The following RBFOX1 variants were observed in gnomAD, a reference collection of about 807,000 sequenced individuals.
The protein encoded by RBFOX1 is RNA binding protein fox-1 homolog 1.
Under a neutral mutation model 57.7 loss-of-function variants are expected in RBFOX1, and 8 were observed. The observed-to-expected ratio is 0.14, with a 90% CI of 0.08 to 0.25. The LOEUF is 0.25. Ranked by LOEUF, RBFOX1 falls within the 10% of genes least tolerant of loss-of-function variation. RBFOX1 has a pLI of 1.00. For missense variants in RBFOX1, 611 were observed against 548.5 expected, an observed-to-expected ratio of 1.11 and a Z score of -1.14; for synonymous variants, 326 against 222.4, an observed-to-expected ratio of 1.47 and a Z score of -4.15.
At chr16:6,635,897 C>G (rs940902721) in intron 2 of RBFOX1, among the ~76,000 whole-genome samples, 2 of 152,066 alleles carry the variant, frequency 1.3e-5, no homozygotes, top group Non-Finnish European at 2.9e-5. Flanking sequence ...TTTCAGATTT[C>G]TTTTTCAGAT....
At chr16:7,387,573 A>G (rs1244163841) in intron 4 of RBFOX1, among the ~76,000 whole-genome samples, 1 of 152,192 alleles carries the variant, frequency 6.6e-6, no homozygotes, top group Non-Finnish European at 1.5e-5. Context: ...TGTGAAATAA[A>G]TCCATACGCC....
chr16:6,895,350 C>G (rs1171868713), intron 3 of RBFOX1, among the ~76,000 whole-genome samples: 3 of 149,398 alleles, frequency 2.0e-5, no homozygotes, highest in Non-Finnish European at 4.4e-5. Context: ...TGGAATGGAA[C>G]TAAGCAGATA....
chr16:7,703,115 C>T (rs1441535224), intron 14 of RBFOX1, among the ~76,000 whole-genome samples: 2 of 95,992 alleles, frequency 2.1e-5, no homozygotes, highest in South Asian at 4.1e-4. Context: ...CACTGAACCA[C>T]AGTTGGTGCC....
intron 3 of RBFOX1, among the ~76,000 whole-genome samples, chr16:6,843,152 C>G (rs1274123038): frequency 6.6e-6 from 1 of 152,090 alleles, no homozygotes; most frequent in Non-Finnish European, 1.5e-5. Context: ...ACATTTTAAG[C>G]ATATGATTCT....
chr16:7,663,449 A>G (rs1045920574), intron 12 of RBFOX1, among the ~76,000 whole-genome samples: 9 of 152,032 alleles, frequency 5.9e-5, no homozygotes, highest in African/African-American at 1.9e-4. Context: ...TAAGCAGCAC[A>G]CTAGAGTGTT....
At chr16:5,928,163 A>C (rs2058974549) in intron 4 of RBFOX1, among the ~76,000 whole-genome samples, 1 of 152,106 alleles carries the variant, frequency 6.6e-6, no homozygotes, top group African/African-American at 2.4e-5. Context: ...GTGTGATCAC[A>C]GCTCACTGTA....
At chr16:7,571,080 G>A (rs1026856117) in intron 5 of RBFOX1, among the ~76,000 whole-genome samples, 1 of 152,136 alleles carries the variant, frequency 6.6e-6, no homozygotes, top group African/African-American at 2.4e-5. Context: ...TGGGGGAAGG[G>A]GCGAAGGGAG....
chr16:5,990,748 G>A (rs936131854), intron 4 of RBFOX1, among the ~76,000 whole-genome samples: 3 of 152,190 alleles, frequency 2.0e-5, no homozygotes, highest in East Asian at 1.9e-4. Context: ...CGGGCAGATC[G>A]CTGGAGGTCA....
At chr16:5,828,641 G>C (rs2056159625) in intron 3 of RBFOX1, among the ~76,000 whole-genome samples, 1 of 152,126 alleles carries the variant, frequency 6.6e-6, no homozygotes, top group African/African-American at 2.4e-5. Flanking sequence ...AGAGGTTGCA[G>C]TGAGCCGAGA....
chr16:6,944,005 C>G (rs2079023228), intron 3 of RBFOX1, among the ~76,000 whole-genome samples: 1 of 152,240 alleles, frequency 6.6e-6, no homozygotes, highest in Non-Finnish European at 1.5e-5. Context: ...GCTCAAACTC[C>G]TTTAAGTTTA....
In RBFOX1 at chr16:6,351,755, A is replaced by G. The variant is rs139718726; in HGVS notation, c.-64+34698A>G. On this transcript the variant is annotated intron_variant, in intron 2 of 15. Transcript: ENST00000550418. ...ATGCATACATATATGTTTGAATTGTATTCTCATATATTAAATACATGTTAT... is the reference window on the plus strand; with the variant it reads ...ATGCATACATATATGTTTGAATTGTGTTCTCATATATTAAATACATGTTAT... Among the ~76,000 whole-genome samples the G allele has an allele frequency of 7.3e-3, 1,116 of 152,284 alleles. 10 individuals carry two copies. Among genetic ancestry groups the G allele is most frequent in the African/African-American group, 0.023 (975 of 41,548 alleles).
At chr16:5,380,824 C>G (rs907966388) in intron 1 of RBFOX1, among the ~76,000 whole-genome samples, 1 of 152,182 alleles carries the variant, frequency 6.6e-6, no homozygotes, top group African/African-American at 2.4e-5. Context: ...GCCCTATGCA[C>G]TTATATATAA....
intron 1 of RBFOX1, among the ~76,000 whole-genome samples, chr16:6,063,027 C>A (rs968058069): frequency 6.6e-6 from 1 of 152,172 alleles, no homozygotes; most frequent in African/African-American, 2.4e-5. Context: ...TCAAGGTAAT[C>A]TCCCTGACAT....
intron 3 of RBFOX1, among the ~76,000 whole-genome samples, chr16:6,841,143 A>G (rs1239812688): frequency 2.0e-5 from 3 of 151,642 alleles, no homozygotes; most frequent in Non-Finnish European, 4.4e-5. Context: ...TACACTCTGG[A>G]TATTAGCCTA....
intron 3 of RBFOX1, among the ~76,000 whole-genome samples, chr16:6,714,170 T>C (rs1383228622): frequency 6.6e-6 from 1 of 152,196 alleles, no homozygotes; most frequent in Admixed American, 6.5e-5. Flanking sequence ...CCTGCCACCA[T>C]GTAAGCCATG....
At chr16:5,485,593 T>C (rs115283588) in intron 2 of RBFOX1, among the ~76,000 whole-genome samples, 485 of 152,260 alleles carry the variant, frequency 3.2e-3, no homozygotes, top group African/African-American at 0.011. Flanking sequence ...GCATTATACC[T>C]CAAAGAGAAT....
intron 4 of RBFOX1, among the ~76,000 whole-genome samples, chr16:5,901,176 A>T (rs1487062359): frequency 6.6e-6 from 1 of 152,174 alleles, no homozygotes; most frequent in Admixed American, 6.5e-5. Context: ...GGACCCTCTC[A>T]GCTTACCATT....
chr16:6,461,245 A>G (rs781093038), intron 2 of RBFOX1, among the ~76,000 whole-genome samples: 1 of 152,168 alleles, frequency 6.6e-6, no homozygotes, highest in Admixed American at 6.5e-5. Context: ...CTGCACATGT[A>G]TCCCAGAACT....
intron 3 of RBFOX1, among the ~76,000 whole-genome samples, chr16:5,843,168 C>A (rs1366080321): frequency 6.6e-6 from 1 of 152,112 alleles, no homozygotes; most frequent in African/African-American, 2.4e-5. Flanking sequence ...TTCAGGGGTA[C>A]ATGTGCAGGT....
Sources: allele counts gnomAD v4.1 joint callset (sites outside exome capture counted in the v4.1 genomes callset), GRCh38; gene constraint gnomAD v4.1.1; transcripts MANE v1.5; gene names NCBI Gene and HGNC (gene_info 2026-07-23, HGNC 2026-07-21).